The following NPAS3 variants were observed in gnomAD, a reference collection of about 807,000 sequenced individuals.
NPAS3 encodes the protein neuronal PAS domain protein 3.
Under a neutral mutation model 73.1 loss-of-function variants are expected in NPAS3, and 14 were observed. The ratio of observed to expected loss-of-function variants is 0.19; its 90% CI spans 0.13 to 0.30. The LOEUF (loss-of-function observed/expected upper bound fraction) is 0.30. Ranked by LOEUF, NPAS3 falls within the 10% of genes least tolerant of loss-of-function variation. NPAS3 has a pLI of 1.00. For missense variants in NPAS3, 1,096 were observed against 1,250.0 expected (o/e 0.88, Z 1.86); for synonymous variants, 620 against 541.5 (o/e 1.14, Z -2.01).
At chr14:33,552,776 GGACCAGT>G (rs962451405) in intron 4 of NPAS3, among the ~76,000 whole-genome samples, 1 of 151,976 alleles carries the variant, frequency 6.6e-6, no homozygotes, top group Non-Finnish European at 1.5e-5. Context: ...AGGCCATTCA[GGACCAGT>G]GCAATGTATT....
In NPAS3 at chr14:33,174,089, T is replaced by C. The variant is rs192482327; in HGVS notation, c.141-41093T>C. 1.8e-4 allele frequency among the ~76,000 whole-genome samples: 28 copies of C among 152,358 alleles called. 1 individual carries two copies. Among genetic ancestry groups the C allele is most frequent in the Admixed American group, 1.6e-3 (25 of 15,310 alleles). ...GATTTACTATAGAAATAGTGTGTTA[T>C]GCTCTCTTTAAAATTTTACAACTAA... On this transcript the variant is annotated intron_variant, in intron 2 of 11. Coordinates refer to ENST00000356141, the Ensembl canonical transcript of NPAS3.
chr14:33,211,789 G>C (rs2047046774), intron 2 of NPAS3, among the ~76,000 whole-genome samples: 1 of 152,106 alleles, frequency 6.6e-6, no homozygotes, highest in Non-Finnish European at 1.5e-5. Context: ...GGATGATAAT[G>C]TAGTCATCAA....
At chr14:33,239,033 T>G (rs757025074) in intron 3 of NPAS3, among the ~76,000 whole-genome samples, 9 of 151,942 alleles carry the variant, frequency 5.9e-5, no homozygotes, top group Non-Finnish European at 8.8e-5. Flanking sequence ...GATCAAGACT[T>G]CAACAGGCTT....
At chr14:33,679,670 A>G (rs1202378962) in intron 6 of NPAS3, among the ~76,000 whole-genome samples, 1 of 152,200 alleles carries the variant, frequency 6.6e-6, no homozygotes, top group Non-Finnish European at 1.5e-5. Context: ...TCAGTGTAGC[A>G]TTACTAAATG....
In NPAS3 at chr14:33,658,799, C is replaced by T. The variant is rs555742894; in HGVS notation, c.559-17412C>T. Reference sequence around the variant, plus strand: ...GGTTCAGCATGAGACCCATCTTCATCCCCCACTAATAGTGTATTAATAATG... The same window carrying T: ...GGTTCAGCATGAGACCCATCTTCATTCCCCACTAATAGTGTATTAATAATG... On this transcript the variant is annotated intron_variant, in intron 5 of 11. Coordinates refer to ENST00000356141, the Ensembl canonical transcript of NPAS3. Among the ~76,000 whole-genome samples the T allele has an allele frequency of 4.3e-4, 66 of 152,132 alleles. 1 individual carries two copies. The highest frequency in any genetic ancestry group is 7.5e-4 in the Non-Finnish European group (51 of 68,026).
chr14:33,230,268 G>A (rs2047797526), intron 3 of NPAS3, among the ~76,000 whole-genome samples: 1 of 152,188 alleles, frequency 6.6e-6, no homozygotes, highest in Non-Finnish European at 1.5e-5. Context: ...TTAATTCTCT[G>A]TAGTTTAACA....
intron 2 of NPAS3, among the ~76,000 whole-genome samples, chr14:33,059,525 A>C (rs1161689648): frequency 1.3e-5 from 2 of 152,198 alleles, no homozygotes; most frequent in Non-Finnish European, 2.9e-5. Context: ...ATATTTTACA[A>C]ATTGTATCAT....
intron 4 of NPAS3, among the ~76,000 whole-genome samples, chr14:33,498,933 A>AGTGTGTGTGT (rs1466938045): frequency 1.2e-4 from 9 of 76,996 alleles, no homozygotes; most frequent in African/African-American, 2.7e-4. Flanking sequence ...AGACAGAGAG[A>AGTGTGTGTGT]GAGTGTGTGT....
At chr14:33,233,824 T>C (rs1359350560) in intron 3 of NPAS3, among the ~76,000 whole-genome samples, 1 of 152,156 alleles carries the variant, frequency 6.6e-6, no homozygotes, top group Non-Finnish European at 1.5e-5. Context: ...GAGTTGTAGT[T>C]ATTTGCATTT....
intron 3 of NPAS3, among the ~76,000 whole-genome samples, chr14:33,289,909 TGTCA>T (rs2042031042): frequency 6.6e-6 from 1 of 152,140 alleles, no homozygotes; most frequent in Non-Finnish European, 1.5e-5. Flanking sequence ...ATCAAAATGC[TGTCA>T]CTACCAAGAA....
intron 6 of NPAS3, among the ~76,000 whole-genome samples, chr14:33,727,356 T>C (rs1384123718): frequency 6.6e-6 from 1 of 152,148 alleles, no homozygotes; most frequent in Non-Finnish European, 1.5e-5. Context: ...GCTCATGCTG[T>C]GATATGCGCT....
chr14:33,031,579 A>G (rs933119474), intron 1 of NPAS3, among the ~76,000 whole-genome samples: 2 of 151,966 alleles, frequency 1.3e-5, no homozygotes, highest in African/African-American at 4.8e-5. Flanking sequence ...GGTAGCTTCC[A>G]CCTCCCAGGC....
intron 4 of NPAS3, among the ~76,000 whole-genome samples, chr14:33,490,593 C>T (rs1046614060): frequency 6.6e-6 from 1 of 152,094 alleles, no homozygotes; most frequent in African/African-American, 2.4e-5. Flanking sequence ...CTTCTGCAAC[C>T]AGACCTCGTT....
rs183943686 is a variant in NPAS3, at chr14:33,669,901, T to G, written c.559-6310T>G. On this transcript the variant is annotated intron_variant, in intron 5 of 11. Transcript: ENST00000356141. ...TTGTTTTTGTTGTTGTTTGTTTTTT[T>G]GGGGGTTTTTTGTTTGCTTTTGTTT... Among the ~76,000 whole-genome samples the G allele has an allele frequency of 4.5e-3, 680 of 152,162 alleles. 3 individuals are homozygous for G. Among genetic ancestry groups the G allele is most frequent in the East Asian group, 0.03 (153 of 5,172 alleles).
chr14:33,242,445 T>G (rs888117916), intron 3 of NPAS3, among the ~76,000 whole-genome samples: 6 of 152,106 alleles, frequency 3.9e-5, no homozygotes, highest in African/African-American at 1.4e-4. Context: ...ATGACAGTCT[T>G]TCCACAACTT....
chr14:33,621,707 T>C (rs1178905017), intron 5 of NPAS3, among the ~76,000 whole-genome samples: 2 of 152,084 alleles, frequency 1.3e-5, no homozygotes, highest in African/African-American at 2.4e-5. Context: ...ACTCACAAAT[T>C]AGAGAAATGT....
intron 3 of NPAS3, among the ~76,000 whole-genome samples, chr14:33,334,805 G>A (rs1018128849): frequency 1.3e-5 from 2 of 152,130 alleles, no homozygotes; most frequent in African/African-American, 4.8e-5. Flanking sequence ...TTTATCCAAA[G>A]TGTAGTATTT....
At chr14:33,372,542 G>A (rs1034665813) in intron 4 of NPAS3, among the ~76,000 whole-genome samples, 6 of 152,242 alleles carry the variant, frequency 3.9e-5, no homozygotes, top group Admixed American at 3.3e-4. Flanking sequence ...TGTGTATTGC[G>A]AACTCTGGGG....
chr14:33,371,507 C>T (rs1374583626), intron 4 of NPAS3, among the ~76,000 whole-genome samples: 1 of 152,126 alleles, frequency 6.6e-6, no homozygotes, highest in East Asian at 1.9e-4. Flanking sequence ...CAGCAATCTC[C>T]TTTAAAAATC....
Sources: gnomAD v4.1 joint callset for allele counts (sites outside exome capture counted in the v4.1 genomes callset) on GRCh38, gnomAD v4.1.1 for gene constraint, MANE v1.5 for transcripts, NCBI Gene and HGNC (gene_info 2026-07-23, HGNC 2026-07-21) for gene names.